The following DLGAP2 variants were observed in gnomAD, a reference collection of about 807,000 sequenced individuals.
DLGAP2 encodes the protein DLG associated protein 2, also known as disks large-associated protein 2.
A neutral mutation model predicts 100.3 loss-of-function variants in DLGAP2; 26 were observed. That is an observed-to-expected ratio of 0.26 (90% CI 0.19 to 0.36). The LOEUF (loss-of-function observed/expected upper bound fraction) is 0.36. Ranked by LOEUF, DLGAP2 falls within the 10% of genes least tolerant of loss-of-function variation. The pLI, the probability that DLGAP2 is intolerant of heterozygous loss-of-function variation, is 1.00. For synonymous variants in DLGAP2, 886 were observed against 630.1 expected (o/e 1.41, Z -6.08); for missense variants, 1,858 against 1,453.2 (o/e 1.28, Z -4.53).
intron 6 of DLGAP2, among the ~76,000 whole-genome samples, chr8:1,579,059 G>C (rs1030815001): frequency 7.0e-4 from 107 of 152,134 alleles, no homozygotes; most frequent in Non-Finnish European, 1.1e-3. Flanking sequence ...TGAAATACTT[G>C]AATAACTAAT....
At chr8:1,363,744 G>A (rs1251402565) in intron 3 of DLGAP2, among the ~76,000 whole-genome samples, 3 of 152,246 alleles carry the variant, frequency 2.0e-5, no homozygotes, top group African/African-American at 4.8e-5. Flanking sequence ...CTCCTCTCTG[G>A]TGGCTGAGAT....
chr8:816,165 C>T (rs1166707972), intron 1 of DLGAP2, among the ~76,000 whole-genome samples: 1 of 152,030 alleles, frequency 6.6e-6, no homozygotes, highest in South Asian at 2.1e-4. Context: ...ATTCATTCTA[C>T]CATTCTGTAT....
chr8:809,180 T>C (rs774978142), intron 1 of DLGAP2, among the ~76,000 whole-genome samples: 2 of 152,178 alleles, frequency 1.3e-5, no homozygotes, highest in Non-Finnish European at 2.9e-5. Flanking sequence ...GCTGGAATTA[T>C]AGATGTGAGC....
intron 2 of DLGAP2, among the ~76,000 whole-genome samples, chr8:1,130,324 T>C (rs1796263407): frequency 6.6e-6 from 1 of 152,188 alleles, no homozygotes; most frequent in Non-Finnish European, 1.5e-5. Context: ...TGTGATTGTA[T>C]GGGTGTATTT....
chr8:1,464,826 A>C (rs78468812), intron 3 of DLGAP2, among the ~76,000 whole-genome samples: 2,690 of 152,320 alleles, frequency 0.018, 69 homozygotes, highest in African/African-American at 0.061. Context: ...CAGGATGATC[A>C]TTATCATATC....
intron 2 of DLGAP2, among the ~76,000 whole-genome samples, chr8:1,188,333 G>A (rs1357312128): frequency 7.3e-6 from 1 of 136,826 alleles, no homozygotes; most frequent in Admixed American, 7.2e-5. Flanking sequence ...TTTCCCTCAC[G>A]GAATCTCACA....
chr8:1,455,037 G>C (rs561869906), intron 3 of DLGAP2, among the ~76,000 whole-genome samples: 1 of 151,748 alleles, frequency 6.6e-6, no homozygotes, highest in African/African-American at 2.4e-5. Context: ...GGTCTGGGGA[G>C]GGGGGGATAC....
intron 3 of DLGAP2, among the ~76,000 whole-genome samples, chr8:1,341,469 C>G (rs371501688): frequency 6.6e-6 from 1 of 152,098 alleles, no homozygotes; most frequent in Non-Finnish European, 1.5e-5. Context: ...CACATATAGG[C>G]GTATTTAATG....
At chr8:792,839 G>T (rs1795945393) in intron 1 of DLGAP2, among the ~76,000 whole-genome samples, 1 of 152,156 alleles carries the variant, frequency 6.6e-6, no homozygotes, top group African/African-American at 2.4e-5. Flanking sequence ...TACAGTGTTG[G>T]ATTCTACTTG....
intron 7 of DLGAP2, among the ~76,000 whole-genome samples, chr8:1,630,566 G>A (rs766120125): frequency 4.7e-4 from 71 of 152,222 alleles, no homozygotes; most frequent in Non-Finnish European, 7.8e-4. Context: ...GCTGGGCATG[G>A]TAGCGGGCAC....
At chr8:832,296 A>C (rs1796798139) in intron 1 of DLGAP2, among the ~76,000 whole-genome samples, 1 of 152,170 alleles carries the variant, frequency 6.6e-6, no homozygotes, top group Non-Finnish European at 1.5e-5. Flanking sequence ...CCCATGCCTA[A>C]GTCCTGAATG....
chr8:1,096,451 C>A (rs1485141966), intron 2 of DLGAP2, among the ~76,000 whole-genome samples: 1 of 152,228 alleles, frequency 6.6e-6, no homozygotes, highest in African/African-American at 2.4e-5. Flanking sequence ...GGAGAGGAAC[C>A]CCCCAGCGTG....
intron 5 of DLGAP2, among the ~76,000 whole-genome samples, chr8:1,553,746 G>A (rs569600701): frequency 1.3e-5 from 2 of 152,160 alleles, no homozygotes; most frequent in Admixed American, 6.5e-5. Context: ...TCCCATCACC[G>A]AGTTCTGAGC....
intron 3 of DLGAP2, among the ~76,000 whole-genome samples, chr8:1,356,568 C>T (rs1391104589): frequency 6.6e-6 from 1 of 152,020 alleles, no homozygotes; most frequent in South Asian, 2.1e-4. Flanking sequence ...TGAGAGTTAC[C>T]CTGTGGCCCC....
At chr8:1,185,517 G>T (rs1338480292) in intron 2 of DLGAP2, among the ~76,000 whole-genome samples, 1 of 152,138 alleles carries the variant, frequency 6.6e-6, no homozygotes, top group Non-Finnish European at 1.5e-5. Context: ...GTTTGATCAA[G>T]CTCCTAGGAA....
intron 3 of DLGAP2, among the ~76,000 whole-genome samples, chr8:1,306,431 A>G (rs1265980407): frequency 6.6e-6 from 1 of 152,218 alleles, no homozygotes; most frequent in Non-Finnish European, 1.5e-5. Context: ...GTTATAAGAC[A>G]TTAAAGACAC....
At chr8:1,698,542 G>A (rs1420158311) in intron 14 of DLGAP2, among the ~76,000 whole-genome samples, 1 of 138,836 alleles carries the variant, frequency 7.2e-6, no homozygotes, top group East Asian at 2.2e-4. Context: ...AGCCATGCAT[G>A]GGACTAGACA....
At chr8:1,579,099 A>G (rs1353777448) in intron 6 of DLGAP2, among the ~76,000 whole-genome samples, 3 of 152,252 alleles carry the variant, frequency 2.0e-5, no homozygotes, top group Non-Finnish European at 4.4e-5. Flanking sequence ...AAGGTAGACC[A>G]AATAATTTCA....
chr8:1,477,475 C>G (rs1486716898), intron 3 of DLGAP2, among the ~76,000 whole-genome samples: 1 of 152,184 alleles, frequency 6.6e-6, no homozygotes, highest in Non-Finnish European at 1.5e-5. Flanking sequence ...TCCATTTGGC[C>G]TTAACTTTGA....
Sources: allele counts gnomAD v4.1 joint callset (sites outside exome capture counted in the v4.1 genomes callset), GRCh38; gene constraint gnomAD v4.1.1; transcripts MANE v1.5; gene names NCBI Gene and HGNC (gene_info 2026-07-23, HGNC 2026-07-21).